Variants in BRAP observed in about 807,000 individuals in gnomAD.
BRAP encodes BRCA1 associated protein, also known as BRCA1-associated protein.
A neutral mutation model predicts 73.4 loss-of-function variants in BRAP; 42 were observed. That is an observed-to-expected ratio of 0.57 (90% CI 0.45 to 0.74). The LOEUF (loss-of-function observed/expected upper bound fraction) is 0.74. Ranked by LOEUF, BRAP falls within the 30% of genes least tolerant of loss-of-function variation. The pLI is 0.00. For synonymous variants in BRAP, 255 were observed against 267.4 expected (o/e 0.95, Z 0.45); for missense variants, 593 against 751.4 (o/e 0.79, Z 2.46).
chr12:111,674,460 C>T (rs941870880), intron 4 of BRAP, among the ~76,000 whole-genome samples: 1 of 152,182 alleles, frequency 6.6e-6, no homozygotes, highest in Non-Finnish European at 1.5e-5. Flanking sequence ...CCAGGCTCGT[C>T]TCGAACTCCT....
chr12:111,644,238 C>T lies in BRAP; in HGVS notation c.1740G>A (p.Lys580=), dbSNP rs1371000420. 6.2e-7 allele frequency: 1 copy of T among 1,613,542 alleles called. No homozygotes were observed. The highest frequency in any genetic ancestry group is 1.7e-5 in the Admixed American group (1 of 60,022). Residue 580 remains lysine (K), a synonymous_variant, in exon 12 of 12, where the codon AAG becomes AAA. Transcript: ENST00000419234. The part of the protein sequence containing the change: ...SSPASSGGSG[K]LPSRKGRSKR... ...TGCTGCGGCCCTTCCTGGAGGGCAACTTCCCACTGCCCCCCGAAGAGGCAG... is the reference window on the plus strand; with the variant it reads ...TGCTGCGGCCCTTCCTGGAGGGCAATTTCCCACTGCCCCCCGAAGAGGCAG...
chr12:111,685,847 G>T lies in BRAP; in HGVS notation c.-55C>A. On this transcript the variant is annotated 5_prime_UTR_variant, in exon 1 of 12. Transcript: ENST00000419234. Reference sequence around the variant, plus strand: ...GCGGGCTCAGGCGAGGCTGGAAGGCGAGCCGAGAGGCCGAGCGGCCCGGGG... The same window carrying T: ...GCGGGCTCAGGCGAGGCTGGAAGGCTAGCCGAGAGGCCGAGCGGCCCGGGG... 1 of 1,356,760 alleles carries T rather than the reference G, an allele frequency of 7.4e-7. No individual in the cohort carries two copies. Among genetic ancestry groups the T allele is most frequent in the African/African-American group, 1.5e-5 (1 of 65,050 alleles). The allele number at this position is 1,356,760 out of a possible 1,614,324, so 84.0% of individuals were successfully genotyped here.
intron 9 of BRAP, among the ~76,000 whole-genome samples, chr12:111,657,066 G>C (rs1163264230): frequency 1.3e-5 from 2 of 151,868 alleles, no homozygotes. Context: ...TTTTGGAGAC[G>C]GAGTTTCGCT....
At chr12:111,646,734 C>CGT (rs1381130830) in intron 11 of BRAP, among the ~76,000 whole-genome samples, 9 of 152,194 alleles carry the variant, frequency 5.9e-5, no homozygotes, top group Non-Finnish European at 1.2e-4. Flanking sequence ...GATCGTGCCA[C>CGT]TGCACTCCAG....
At chr12:111,668,592 T>C (rs1184320368) in intron 5 of BRAP, among the ~76,000 whole-genome samples, 17 of 152,096 alleles carry the variant, frequency 1.1e-4, no homozygotes, top group Admixed American at 1.3e-4. Flanking sequence ...ACAAGACCCA[T>C]TAAGGTGAAG....
chr12:111,677,885 C>T lies in BRAP; in HGVS notation c.633+1266G>A, dbSNP rs538840426. ...AAACAGAAAACATAATAACTGTGTACTCTCTTGCAGACAGAACTCCACACT... is the reference window on the plus strand; with the variant it reads ...AAACAGAAAACATAATAACTGTGTATTCTCTTGCAGACAGAACTCCACACT... On this transcript the variant is annotated intron_variant, in intron 4 of 11. Transcript: ENST00000419234. 2.0e-5 allele frequency among the ~76,000 whole-genome samples: 3 copies of T among 152,290 alleles called. No individual in the cohort carries two copies. In the East Asian group the frequency reaches 5.8e-4, roughly 29 times the overall value.
chr12:111,656,580 G>A (rs1022216361), intron 9 of BRAP, among the ~76,000 whole-genome samples: 1 of 152,184 alleles, frequency 6.6e-6, no homozygotes, highest in African/African-American at 2.4e-5. Flanking sequence ...TAGAAGACTA[G>A]AAGAGATATA....
At chr12:111,645,406 A>T (rs1886074997) in intron 11 of BRAP, among the ~76,000 whole-genome samples, 1 of 152,158 alleles carries the variant, frequency 6.6e-6, no homozygotes, top group South Asian at 2.1e-4. Context: ...TAAGCATCAG[A>T]AAGTTTTCAG....
chr12:111,684,675 T>G (rs112893860), intron 1 of BRAP, among the ~76,000 whole-genome samples: 2 of 145,996 alleles, frequency 1.4e-5, no homozygotes, highest in Non-Finnish European at 3.0e-5. Context: ...TTTTTTTTTG[T>G]TTTTTTTTTT....
At chr12:111,651,225 TTAA>T (rs112724065) in intron 10 of BRAP, among the ~76,000 whole-genome samples, 20,070 of 146,932 alleles carry the variant, frequency 0.14, 3,571 homozygotes, top group East Asian at 0.61. Context: ...AGCACTAGCT[TTAA>T]TAATAATAAT....
rs1394930609 is a variant in BRAP at position 111,685,842 on chromosome 12, A to G, written c.-50T>C. 5 of 1,393,654 alleles carry G rather than the reference A, an allele frequency of 3.6e-6. No homozygotes were observed. Among genetic ancestry groups the G allele is most frequent in the Non-Finnish European group, 4.7e-6 (5 of 1,065,754 alleles). The allele number at this position is 1,393,654 out of a possible 1,614,324, so 86.3% of individuals were successfully genotyped here. A position where few individuals can be genotyped will look rare whatever the true frequency, so the allele number is the denominator to read the frequency against. ...CCCCGGCGGGCTCAGGCGAGGCTGG[A>G]AGGCGAGCCGAGAGGCCGAGCGGCC... On this transcript the variant is annotated 5_prime_UTR_variant, in exon 1 of 12. Coordinates refer to ENST00000419234, the MANE Select transcript of BRAP (RefSeq NM_006768.5).
At chr12:111,660,453 C>A in intron 7 of BRAP, 147 bp downstream of exon 7, 2 of 581,534 alleles carry the variant, frequency 3.4e-6, no homozygotes, top group East Asian at 4.6e-5. Context: ...AGTTCGAGAC[C>A]AGCCTGGGCA....
intron 4 of BRAP, among the ~76,000 whole-genome samples, chr12:111,675,281 A>G (rs1167961212): frequency 6.6e-6 from 1 of 151,840 alleles, no homozygotes; most frequent in Non-Finnish European, 1.5e-5. Context: ...AAAATAAAAT[A>G]AAAAAGGAGA....
intron 1 of BRAP, 134 bp downstream of exon 1, chr12:111,685,577 A>C: frequency 7.3e-7 from 1 of 1,372,170 alleles, no homozygotes; most frequent in Admixed American, 3.3e-5. Flanking sequence ...AAAGAGAGGG[A>C]TCCCGATTAC....
chr12:111,667,698 CAAAAA>C (rs565349424), intron 5 of BRAP, among the ~76,000 whole-genome samples: 18 of 21,288 alleles, frequency 8.5e-4, no homozygotes, highest in East Asian at 0.01. Context: ...AACTCCGTCT[CAAAAA>C]AAAAAAAAAA....
chr12:111,657,760 T>C lies in BRAP; in HGVS notation c.1221+976A>G, dbSNP rs558125757. Among the ~76,000 whole-genome samples, 100 of 151,990 alleles carry C rather than the reference T, an allele frequency of 6.6e-4. 4 individuals carry two copies. In the South Asian group the frequency reaches 0.02, roughly 30 times the overall value. On this transcript the variant is annotated intron_variant, in intron 9 of 11. Coordinates refer to ENST00000419234, the MANE Select transcript of BRAP (RefSeq NM_006768.5). ...TGGGCATGGTGGCACACACCTGTAG[T>C]CCCAGCTACTCGGAAGGCTGAGGCA...
chr12:111,681,490 G>A (rs1169658527), intron 3 of BRAP, 147 bp downstream of exon 3: 2 of 600,130 alleles, frequency 3.3e-6, no homozygotes, highest in Non-Finnish European at 5.3e-6. Flanking sequence ...AAACATCTGA[G>A]AATTCTCTAA....
intron 5 of BRAP, chr12:111,670,216 T>C: frequency 3.3e-6 from 2 of 607,578 alleles, no homozygotes; most frequent in Non-Finnish European, 6.4e-6. Flanking sequence ...CAGCTTCTTC[T>C]TCATCTGACC....
At position 111,644,027 on chromosome 12, in the gene BRAP, C is replaced by T; in HGVS notation, c.*172G>A. The T allele has an allele frequency of 9.5e-7, 1 of 1,051,646 alleles. No individual in the cohort carries two copies. The highest frequency in any genetic ancestry group is 1.7e-5 in the South Asian group (1 of 57,674). The allele number at this position is 1,051,646 out of a possible 1,614,324, so 65.1% of individuals were successfully genotyped here. On this transcript the variant is annotated 3_prime_UTR_variant, in exon 12 of 12. Transcript: ENST00000419234. ...AGCGCCTTTCTATCAGCTCTCCAGT[C>T]AGCACCCTTTACATTCACTACATCA...
Sources: gnomAD v4.1 joint callset for allele counts (sites outside exome capture counted in the v4.1 genomes callset) on GRCh38, gnomAD v4.1.1 for gene constraint, MANE v1.5 for transcripts, NCBI Gene and HGNC (gene_info 2026-07-23, HGNC 2026-07-21) for gene names.